Variants in HDAC10 observed in about 807,000 individuals in gnomAD.
The protein encoded by HDAC10 is histone deacetylase 10.
A neutral mutation model predicts 82.3 loss-of-function variants in HDAC10; 90 were observed. The observed-to-expected ratio is 1.09, with a 90% CI of 0.92 to 1.30. HDAC10 has a LOEUF of 1.30. Ranked by LOEUF, HDAC10 falls within the 50% of genes most tolerant of loss-of-function variation. The pLI, the probability that HDAC10 is intolerant of heterozygous loss-of-function variation, is 0.00. For missense variants in HDAC10, 934 were observed against 876.3 expected (o/e 1.07, Z -0.83); for synonymous variants, 456 against 391.7 (o/e 1.16, Z -1.94).
rs982213020 is a variant in HDAC10, at chr22:50,249,795, G to C, written c.494+65C>G. The C allele has an allele frequency of 6.9e-6, 11 of 1,599,424 alleles. No homozygotes were observed. The highest frequency in any genetic ancestry group is 1.3e-5 in the African/African-American group (1 of 74,546). On this transcript the variant is annotated intron_variant, in intron 5 of 19. Transcript: ENST00000216271. The surrounding 1 kb of genome is among the most constrained non-coding windows in gnomAD (Gnocchi z 4.4). Reference sequence around the variant, plus strand: ...GGGAAGGTGCTGGCTGGGTTCTCTCGCCTCCTGCGCTGCCCCTTGCTGTGT... The same window carrying C: ...GGGAAGGTGCTGGCTGGGTTCTCTCCCCTCCTGCGCTGCCCCTTGCTGTGT...
In HDAC10 at chr22:50,250,989, C is replaced by T; in HGVS notation, c.44G>A (p.Arg15Gln). The change falls in exon 1 of 20, where the codon CGG becomes CAG. Residue 15 changes from arginine to glutamine, a missense_variant. Coordinates refer to ENST00000216271, the MANE Select transcript of HDAC10 (RefSeq NM_032019.6). The part of the protein sequence containing the change: ...LVYHEDMTAT[R>Q]LLWDDPECEI... ...TCCCACTTACTCGTCCCAGAGCAGCCGGGTGGCCGTCATGTCCTCATGGTA... is the reference window on the plus strand; with the variant it reads ...TCCCACTTACTCGTCCCAGAGCAGCTGGGTGGCCGTCATGTCCTCATGGTA... The T allele has an allele frequency of 1.2e-6, 2 of 1,612,556 alleles. No individual in the cohort carries two copies. Among genetic ancestry groups the T allele is most frequent in the Non-Finnish European group, 1.7e-6 (2 of 1,179,728 alleles).
Position 50,247,698 on chromosome 22 carries a change from A to T in HDAC10, c.1416T>A (p.Asp472Glu), listed in dbSNP as rs1341555974. Residue 472 changes from aspartate (D) to glutamate (E), a missense_variant, in exon 14 of 20, where the codon GAT becomes GAA. Transcript: ENST00000216271. ...CCCTCCCAGGTGCTCCCACCTGCCC[A>T]TCCAGCATCCCATCTAAGAGGTACA... The part of the protein sequence containing the change: ...KLLYLLDGML[D>E]GQVNSGIAAT... 1 of 1,572,358 alleles carries T rather than the reference A, an allele frequency of 6.4e-7. No individual in the cohort carries two copies.
chr22:50,250,612 G>T, intron 2 of HDAC10, 89 bp from the exon 3 acceptor site: 2 of 1,322,832 alleles, frequency 1.5e-6, no homozygotes, highest in Non-Finnish European at 2.1e-6. Context: ...TGGTGGGAGT[G>T]GCCACCCTGT....
Position 50,250,752 on chromosome 22 carries a change from G to T in HDAC10, c.194+19C>A. Reference sequence around the variant, plus strand: ...CTGCCCGCCCCGCCCCCCATCGTGGGGCCTGCCCCCGTCCTGACCTGTGCA... The same window carrying T: ...CTGCCCGCCCCGCCCCCCATCGTGGTGCCTGCCCCCGTCCTGACCTGTGCA... On this transcript the variant is annotated intron_variant, in intron 2 of 19. Coordinates refer to ENST00000216271, the MANE Select transcript of HDAC10 (RefSeq NM_032019.6). 4 of 1,559,368 alleles carry T rather than the reference G, an allele frequency of 2.6e-6. No homozygotes were observed. The highest frequency in any genetic ancestry group is 3.5e-6 in the Non-Finnish European group (4 of 1,154,078).
In HDAC10 at chr22:50,249,222, G is replaced by A. The variant is rs2065027117; in HGVS notation, c.691-54C>T. On this transcript the variant is annotated intron_variant, in intron 7 of 19. Coordinates refer to ENST00000216271, the MANE Select transcript of HDAC10 (RefSeq NM_032019.6). This position sits in a 1 kb window ranked among gnomAD's most constrained non-coding sequence, Gnocchi z 4.4. The stretch of plus-strand genomic sequence containing the variant: ...AACTGTGGGGCAGGGGAGGGGCCCG[G>A]GGGAGGGGGTGGGTGGGGACCTGGG... 1.5e-6 allele frequency: 2 copies of A among 1,349,492 alleles called. No individual in the cohort carries two copies. The highest frequency in any genetic ancestry group is 2.0e-6 in the Non-Finnish European group (2 of 990,504). 83.6% of individuals were successfully genotyped at this position (1,349,492 alleles called of 1,614,324 possible).
rs1483599784 is a variant in HDAC10 at position 50,247,932 on chromosome 22, T to C, written c.1295A>G (p.Gln432Arg). 6.2e-7 allele frequency: 1 copy of C among 1,612,792 alleles called. No individual in the cohort carries two copies. Among genetic ancestry groups the C allele is most frequent in the East Asian group, 2.2e-5 (1 of 44,876 alleles). ...CTCCTCCCTCAGGGCTGACGCTTCCTGTTGGATGACGTCAGGGGGCAGAAC... is the reference window on the plus strand; with the variant it reads ...CTCCTCCCTCAGGGCTGACGCTTCCCGTTGGATGACGTCAGGGGGCAGAAC... ...TLVLPPDVIQ[Q>R]EASALREETE... Residue 432 changes from glutamine to arginine, a missense_variant, in exon 13 of 20, where the codon CAG (glutamine) becomes CGG (arginine). Coordinates refer to ENST00000216271, the MANE Select transcript of HDAC10 (RefSeq NM_032019.6).
Position 50,250,221 on chromosome 22 carries a change from C to A in HDAC10, c.292-61G>T, listed in dbSNP as rs901920622. ...TCCCTGCTGCCCTTTGCAGGCCATA[C>A]CCACACTTGTGCCAGGCTGCAAGAC... On this transcript the variant is annotated intron_variant, in intron 3 of 19. Coordinates refer to ENST00000216271, the MANE Select transcript of HDAC10 (RefSeq NM_032019.6). 178 of 1,477,852 alleles carry A rather than the reference C, an allele frequency of 1.2e-4. No individual in the cohort carries two copies. The East Asian group carries it at 4.1e-3, about 34-fold the overall frequency. The allele number at this position is 1,477,852 out of a possible 1,614,324, so 91.5% of individuals were successfully genotyped here. A position where few individuals can be genotyped will look rare whatever the true frequency, so the allele number is the denominator to read the frequency against.
intron 3 of HDAC10, 55 bp from the exon 4 acceptor site, chr22:50,250,215 G>T (rs888328149): frequency 1.3e-6 from 2 of 1,502,964 alleles, no homozygotes; most frequent in Non-Finnish European, 9.1e-7. Flanking sequence ...CCCTTTGCAG[G>T]CCATACCCAC....
chr22:50,247,039 C>G, intron 14 of HDAC10, 73 bp from the exon 15 acceptor site: 2 of 908,486 alleles, frequency 2.2e-6, no homozygotes, highest in Non-Finnish European at 3.4e-6. Context: ...TCCACAGTTC[C>G]CTTCATTCGG....
In HDAC10 at chr22:50,250,046, G is replaced by A; in HGVS notation, c.389+17C>T. On this transcript the variant is annotated intron_variant, in intron 4 of 19. Transcript: ENST00000216271. ...GCCACCCACGGAGGAGCAGCCAGGG[G>A]AAGGGGCAGCTCTCACCTCACCAGG... 1 of 1,610,264 alleles carries A rather than the reference G, an allele frequency of 6.2e-7. No individual in the cohort carries two copies. The highest frequency in any genetic ancestry group is 1.3e-5 in the African/African-American group (1 of 75,030).
chr22:50,248,087 A>C lies in HDAC10; in HGVS notation c.1140T>G (p.Pro380=). 6.3e-7 allele frequency: 1 copy of C among 1,599,378 alleles called. No homozygotes were observed. Among genetic ancestry groups the C allele is most frequent in the African/African-American group, 1.3e-5 (1 of 74,818 alleles). The change falls in exon 13 of 20, where the codon CCT becomes CCG. Residue 380 remains proline, a synonymous_variant. Coordinates refer to ENST00000216271, the MANE Select transcript of HDAC10 (RefSeq NM_032019.6). The surrounding 1 kb of genome is among the most constrained non-coding windows in gnomAD (Gnocchi z 5.4). ...TACACACTGGACCCCCAGGCAGCAG[A>C]GGTGGAGGCCTCCCCTCTGGGGAGT... ...SSHSPEGRPP[P]LLPGGPVCKA...
In HDAC10 at chr22:50,249,555, A is replaced by T; in HGVS notation, c.563+80T>A. 6.2e-7 allele frequency: 1 copy of T among 1,606,446 alleles called. No homozygotes were observed. The highest frequency in any genetic ancestry group is 8.5e-7 in the Non-Finnish European group (1 of 1,175,020). On this transcript the variant is annotated intron_variant, in intron 6 of 19. Transcript: ENST00000216271. This position sits in a 1 kb window ranked among gnomAD's most constrained non-coding sequence, Gnocchi z 4.4. ...ACCCCTGAGCACATGTCTGTATCTC[A>T]CCCCTGGATTTTCCCAGGCCAGGCT...
At position 50,249,399 on chromosome 22, in the gene HDAC10, G is replaced by A. The variant is rs1037240982; in HGVS notation, c.619C>T (p.Arg207Ter). ...CCCACTGCGTCTGCATCTGACTCTC[G>A]CAGGAAAGGCCAGAAGCGCCCATGC... ...YEHGRFWPFLRESDADAVGRG... is the reference protein window; with the variant it reads ...YEHGRFWPFL Residue 207 changes from arginine to a stop codon, truncating the protein, a stop_gained, in exon 7 of 20, where the codon CGA (arginine) becomes TGA (stop). Transcript: ENST00000216271. LOFTEE classifies it high-confidence loss of function. The surrounding 1 kb of genome is among the most constrained non-coding windows in gnomAD (Gnocchi z 4.4). 22 of 1,612,550 alleles carry A rather than the reference G, an allele frequency of 1.4e-5. No homozygotes were observed. Among genetic ancestry groups the A allele is most frequent in the Non-Finnish European group, 1.7e-5 (20 of 1,179,946 alleles).
rs1281244726 is a variant in HDAC10 at position 50,248,102 on chromosome 22, C to G, written c.1125G>C (p.Glu375Asp). Residue 375 changes from glutamate to aspartate, a missense_variant, in exon 13 of 20, where the codon GAG becomes GAC. By Grantham distance (45) the Glu-to-Asp change is conservative (BLOSUM62 2). Coordinates refer to ENST00000216271, the MANE Select transcript of HDAC10 (RefSeq NM_032019.6). This position sits in a 1 kb window ranked among gnomAD's most constrained non-coding sequence, Gnocchi z 5.4. ...CAGGCAGCAGAGGTGGAGGCCTCCC[C>G]TCTGGGGAGTGGCTGCTGGGGCTCA... ...VPMSPSSHSP[E>D]GRPPPLLPGG... 6.3e-7 allele frequency: 1 copy of G among 1,593,554 alleles called. No individual in the cohort carries two copies. Among genetic ancestry groups the G allele is most frequent in the Non-Finnish European group, 8.6e-7 (1 of 1,168,242 alleles).
intron 14 of HDAC10, 155 bp from the exon 15 acceptor site, chr22:50,247,121 G>C: frequency 2.0e-6 from 1 of 501,056 alleles, no homozygotes; most frequent in African/African-American, 2.0e-5. Flanking sequence ...CTGTAAATAA[G>C]ATGCTTACGT....
intron 2 of HDAC10, 99 bp downstream of exon 2, chr22:50,250,672 G>C (rs528700657): frequency 2.2e-6 from 3 of 1,366,980 alleles, no homozygotes; most frequent in East Asian, 2.5e-5. Flanking sequence ...GAGAGGCTCT[G>C]TATTCGAGGC....
Position 50,245,431 on chromosome 22 carries a change from G to A in HDAC10, c.*76C>T. 1.4e-6 allele frequency: 1 copy of A among 723,762 alleles called. No individual in the cohort carries two copies. 44.8% of individuals were successfully genotyped at this position (723,762 alleles called of 1,614,324 possible). A position where few individuals can be genotyped will look rare whatever the true frequency, so the allele number is the denominator to read the frequency against. ...CAGAGTCGAGGGAGCCGTGGGCTTG[G>A]GGTCCGGATCGCGGCCGCGGGGCGC... On this transcript the variant is annotated 3_prime_UTR_variant, in exon 20 of 20. Transcript: ENST00000216271.
At position 50,248,641 on chromosome 22, in the gene HDAC10, C is replaced by G; in HGVS notation, c.906+21G>C. 1 of 1,485,214 alleles carries G rather than the reference C, an allele frequency of 6.7e-7. No individual in the cohort carries two copies. The highest frequency in any genetic ancestry group is 9.0e-7 in the Non-Finnish European group (1 of 1,115,470). 92.0% of individuals were successfully genotyped at this position (1,485,214 alleles called of 1,614,324 possible). A position where few individuals can be genotyped will look rare whatever the true frequency, so the allele number is the denominator to read the frequency against. On this transcript the variant is annotated intron_variant, in intron 10 of 19. Coordinates refer to ENST00000216271, the MANE Select transcript of HDAC10 (RefSeq NM_032019.6). This position sits in a 1 kb window ranked among gnomAD's most constrained non-coding sequence, Gnocchi z 5.4. ...CAGGCCTCTGGCCCAGAGACCCTCC[C>G]TGTGTGCCCTCCCCAGTCACCTCCA...
rs199929985 is a variant in HDAC10 at position 50,250,086 on chromosome 22, C to T, written c.366G>A (p.Val122=). 73 of 1,612,656 alleles carry T rather than the reference C, an allele frequency of 4.5e-5. No individual in the cohort carries two copies. Among genetic ancestry groups the T allele is most frequent in the Non-Finnish European group, 5.9e-5 (70 of 1,179,946 alleles). The change falls in exon 4 of 20, where the codon GTG becomes GTA. Residue 122 remains valine, a synonymous_variant. Transcript: ENST00000216271. ...ACCTCACCAGGGCAAGCCCATTTTG[C>T]ACAGCTCCAGTGAGCACAGCGTCCA... ...QLVDAVLTGA[V]QNGLALVRPP...
Sources: gnomAD v4.1 joint callset for allele counts on GRCh38, gnomAD v4.1.1 for gene constraint, Gnocchi (gnomAD v3.1) non-coding constraint, MANE v1.5 for transcripts, NCBI Gene and HGNC (gene_info 2026-07-23, HGNC 2026-07-21) for gene names.